ABCD3: variants seen among roughly 807,000 people sequenced by gnomAD.
The protein encoded by ABCD3 is ATP binding cassette subfamily D member 3, also known as ATP-binding cassette sub-family D member 3.
In ABCD3, 41 loss-of-function variants were observed where a neutral mutation model predicts 105.5. The ratio of observed to expected loss-of-function variants is 0.39; its 90% CI spans 0.30 to 0.50. The LOEUF is 0.50. ABCD3 is among the 20% of genes least tolerant of loss of function. The probability of loss-of-function intolerance (pLI) is 0.84; values close to 1 mark genes in which losing one functional copy is unlikely to be tolerated. For synonymous variants in ABCD3, 258 were observed against 269.0 expected (o/e 0.96, Z 0.40); for missense variants, 622 against 806.3 (o/e 0.77, Z 2.77).
At chr1:94,414,566 CTT>C (rs1482080634), upstream of ABCD3, among the ~76,000 whole-genome samples, 1 of 152,140 alleles carries the variant, frequency 6.6e-6, no homozygotes, top group African/African-American at 2.4e-5. Context: ...GGTCACTACT[CTT>C]TCCCCAGACC....
upstream of ABCD3, among the ~76,000 whole-genome samples, chr1:94,415,400 C>G (rs748644478): frequency 3.3e-5 from 5 of 152,152 alleles, no homozygotes; most frequent in Non-Finnish European, 7.4e-5. Context: ...AGATCTCCCC[C>G]ATAAAATCAC....
At chr1:94,473,968 TTATAA>T (rs1419391124) in intron 5 of ABCD3, 133 bp downstream of exon 5, 7 of 680,086 alleles carry the variant, frequency 1.0e-5, no homozygotes, top group Admixed American at 2.9e-5. Context: ...GTTTTGTAAT[TTATAA>T]TATAATTTTC....
rs543421305 is a variant in ABCD3, at chr1:94,480,703, G to T, written c.827+97G>T. On this transcript the variant is annotated intron_variant, in intron 9 of 22. Transcript: ENST00000370214. ...CAAAAAGTCTAGTGACACTGTTACT[G>T]TAATAATGTGCATATTGTGTTGAAA... The T allele has an allele frequency of 2.4e-6, 3 of 1,232,092 alleles. 1 individual carries two copies. In the South Asian group the frequency reaches 3.7e-5, roughly 15 times the overall value. The allele number at this position is 1,232,092 out of a possible 1,614,324, so 76.3% of individuals were successfully genotyped here. A position where few individuals can be genotyped will look rare whatever the true frequency, so the allele number is the denominator to read the frequency against.
rs1316772324 is a variant in ABCD3 at position 94,506,578 on chromosome 1, T to G, written c.1781T>G (p.Leu594Trp). ...TATCATAAACCCCAGTTTGCCATTT[T>G]GGATGAATGCACAAGTGCAGTTAGT... ...LFYHKPQFAI[L>W]DECTSAVSVD... The change falls in exon 21 of 23, where the codon TTG (leucine) becomes TGG (tryptophan). Residue 594 changes from leucine to tryptophan, a missense_variant. Leu to Trp is a moderately conservative substitution (Grantham distance 61, BLOSUM62 -2). Around this residue, in one of 4 missense-constraint regions of ABCD3, gnomAD observed 285 missense variants for 352.5 expected, o/e 0.81. Transcript: ENST00000370214. The G allele has an allele frequency of 6.2e-7, 1 of 1,613,156 alleles. No individual in the cohort carries two copies. Among genetic ancestry groups the G allele is most frequent in the Non-Finnish European group, 8.5e-7 (1 of 1,179,352 alleles).
At chr1:94,506,437 G>T (rs943346413) in intron 20 of ABCD3, 101 bp from the exon 21 acceptor site, 1 of 712,142 alleles carries the variant, frequency 1.4e-6, no homozygotes, top group Non-Finnish European at 2.5e-6. Flanking sequence ...TTATACTTTT[G>T]ATTTACAAGA....
At chr1:94,459,929 A>G (rs1228819307) in intron 2 of ABCD3, among the ~76,000 whole-genome samples, 1 of 152,190 alleles carries the variant, frequency 6.6e-6, no homozygotes, top group Admixed American at 6.5e-5. Context: ...ATGTTGTTGT[A>G]TCAGTATTGC....
chr1:94,387,450 C>T, the ABCD3 span, among the ~76,000 whole-genome samples: 18 of 152,158 alleles, frequency 1.2e-4, no homozygotes, highest in African/African-American at 4.3e-4. Flanking sequence ...TTGCTCTCTC[C>T]TCTCTCCATA....
chr1:94,504,964 G>A (rs1570832872), intron 20 of ABCD3, among the ~76,000 whole-genome samples: 2 of 152,098 alleles, frequency 1.3e-5, no homozygotes, highest in African/African-American at 4.8e-5. Context: ...GAGAGTGAAA[G>A]GGAAGAGGAA....
At chr1:94,484,112 A>G (rs1401453396) in intron 10 of ABCD3, among the ~76,000 whole-genome samples, 2 of 152,260 alleles carry the variant, frequency 1.3e-5, no homozygotes, top group Non-Finnish European at 2.9e-5. Context: ...ACCAGTTAGA[A>G]TGGCGATCAT....
Position 94,418,530 on chromosome 1 carries a change from G to C in ABCD3, c.52G>C (p.Ala18Pro). 1 of 1,605,590 alleles carries C rather than the reference G, an allele frequency of 6.2e-7. No individual in the cohort carries two copies. Residue 18 changes from alanine (A) to proline (P), a missense_variant, in exon 1 of 23, where the codon GCC becomes CCC. By Grantham distance (27) the Ala-to-Pro change is conservative. Transcript: ENST00000370214. ...GGCGCGAAACTCCTCGCTGGCTGGT[G>C]CCGCGTTCCTGCTGCTCTGCCTGCT... ...LTARNSSLAG[A>P]AFLLLCLLHK...
chr1:94,418,449 C>G lies in ABCD3; in HGVS notation c.-30C>G, dbSNP rs369326473. 348 of 1,549,502 alleles carry G rather than the reference C, an allele frequency of 2.2e-4. No homozygotes were observed. In the East Asian group the frequency reaches 6.7e-3, roughly 30 times the overall value. On this transcript the variant is annotated 5_prime_UTR_variant, in exon 1 of 23. Coordinates refer to ENST00000370214, the MANE Select transcript of ABCD3 (RefSeq NM_002858.4). ...CGCCGCCGCCGCCGCCGCCGCGTCCCCTCGCCGGCTCGCTGGTACCGGCAG... is the reference window on the plus strand; with the variant it reads ...CGCCGCCGCCGCCGCCGCCGCGTCCGCTCGCCGGCTCGCTGGTACCGGCAG...
At chr1:94,468,842 C>A (rs925937663) in intron 4 of ABCD3, among the ~76,000 whole-genome samples, 1 of 152,052 alleles carries the variant, frequency 6.6e-6, no homozygotes, top group East Asian at 1.9e-4. Context: ...TGCTTTATGA[C>A]CATGCTCTCT....
At chr1:94,415,199 C>G (rs565456168), upstream of ABCD3, among the ~76,000 whole-genome samples, 122 of 152,294 alleles carry the variant, frequency 8.0e-4, no homozygotes, top group Non-Finnish European at 3.4e-4. Flanking sequence ...CTCTTTTGGT[C>G]ACAAAACTCA....
At chr1:94,419,798 C>T (rs969495795) in intron 1 of ABCD3, among the ~76,000 whole-genome samples, 2 of 152,144 alleles carry the variant, frequency 1.3e-5, no homozygotes, top group Non-Finnish European at 2.9e-5. Context: ...ATCCATTTAA[C>T]AGAGTTGAAA....
intron 3 of ABCD3, among the ~76,000 whole-genome samples, chr1:94,465,790 T>G (rs998477524): frequency 6.6e-6 from 1 of 152,236 alleles, no homozygotes; most frequent in Admixed American, 6.5e-5. Context: ...CATTATTTGA[T>G]AAACATTTTT....
chr1:94,411,231 TC>T, the ABCD3 span, among the ~76,000 whole-genome samples: 3 of 152,172 alleles, frequency 2.0e-5, no homozygotes, highest in Admixed American at 2.0e-4. Flanking sequence ...AAATTATATA[TC>T]TGATAAGGGT....
chr1:94,411,398 G>A, the ABCD3 span, among the ~76,000 whole-genome samples: 1 of 152,078 alleles, frequency 6.6e-6, no homozygotes, highest in Non-Finnish European at 1.5e-5. Context: ...AGTCATTAGG[G>A]AAGTGAAAAT....
the ABCD3 span, among the ~76,000 whole-genome samples, chr1:94,389,430 C>CA: frequency 6.6e-6 from 1 of 152,202 alleles, no homozygotes; most frequent in Non-Finnish European, 1.5e-5. Context: ...TGCTTGAAGG[C>CA]GTTCCTGAAC....
the ABCD3 span, among the ~76,000 whole-genome samples, chr1:94,395,414 G>A: frequency 6.6e-6 from 1 of 152,222 alleles, no homozygotes; most frequent in Non-Finnish European, 1.5e-5. Context: ...AGGAGAGAGA[G>A]AGATTACTGA....
Sources: gnomAD v4.1 joint callset for allele counts (sites outside exome capture counted in the v4.1 genomes callset) on GRCh38, gnomAD v4.1.1 for gene constraint, gnomAD v4.1.1 regional missense constraint, MANE v1.5 for transcripts, NCBI Gene and HGNC (gene_info 2026-07-23, HGNC 2026-07-21) for gene names.